The following CORO1C variants were observed in gnomAD, a reference collection of about 807,000 sequenced individuals.
The protein encoded by CORO1C is coronin 1C.
In CORO1C, 14 loss-of-function variants were observed where a neutral mutation model predicts 51.2. The observed-to-expected ratio is 0.27, with a 90% CI of 0.18 to 0.43. The LOEUF is 0.43. CORO1C is among the 20% of genes least tolerant of loss of function. The probability of loss-of-function intolerance (pLI) is 1.00; values close to 1 mark genes in which losing one functional copy is unlikely to be tolerated. For missense variants in CORO1C, 417 were observed against 607.8 expected (o/e 0.69, Z 3.30); for synonymous variants, 181 against 210.5 (o/e 0.86, Z 1.21).
intron 3 of CORO1C, among the ~76,000 whole-genome samples, chr12:108,677,968 G>A (rs1459489315): frequency 5.3e-5 from 8 of 151,038 alleles, no homozygotes; most frequent in African/African-American, 7.3e-5. Flanking sequence ...ACAGTGAGCC[G>A]AGATCATGCC....
rs918557120 is a variant in CORO1C at position 108,647,674 on chromosome 12, G to A, written c.1306-152C>T. 6.7e-6 allele frequency: 4 copies of A among 594,370 alleles called. No homozygotes were observed. In the African/African-American group the frequency reaches 7.6e-5, roughly 11 times the overall value. 36.8% of individuals were successfully genotyped at this position (594,370 alleles called of 1,614,324 possible). On this transcript the variant is annotated intron_variant, in intron 10 of 10. Coordinates refer to ENST00000261401, the MANE Select transcript of CORO1C (RefSeq NM_014325.4). ...AAAAGAGAAGTCAAAGCCCTACTAT[G>A]TCTGGGGCTTTGAATGCAATGAGCA...
At chr12:108,718,714 G>T (rs2035402383) in intron 1 of CORO1C, among the ~76,000 whole-genome samples, 1 of 151,990 alleles carries the variant, frequency 6.6e-6, no homozygotes, top group African/African-American at 2.4e-5. Context: ...ATCCCTTTTG[G>T]TAAAATTAAA....
At chr12:108,667,026 T>C (rs2033508970) in intron 3 of CORO1C, among the ~76,000 whole-genome samples, 1 of 151,368 alleles carries the variant, frequency 6.6e-6, no homozygotes, top group African/African-American at 2.4e-5. Flanking sequence ...ACTGTGCGGA[T>C]ACAATAACTA....
At chr12:108,689,550 G>C (rs2034424596) in intron 2 of CORO1C, among the ~76,000 whole-genome samples, 1 of 152,170 alleles carries the variant, frequency 6.6e-6, no homozygotes, top group African/African-American at 2.4e-5. Context: ...TCAGGCAGCT[G>C]TCTCACTTCC....
intron 7 of CORO1C, among the ~76,000 whole-genome samples, chr12:108,652,852 G>GGCA (rs60459711): frequency 6.6e-6 from 1 of 151,878 alleles, no homozygotes; most frequent in Admixed American, 6.6e-5. Flanking sequence ...TGTTATGCCA[G>GGCA]TATGATGATA....
At chr12:108,713,313 A>C (rs1299861686) in intron 1 of CORO1C, among the ~76,000 whole-genome samples, 2 of 152,210 alleles carry the variant, frequency 1.3e-5, no homozygotes, top group African/African-American at 4.8e-5. Flanking sequence ...TGGCCGACTG[A>C]CTGCAAGTAT....
Position 108,645,207 on chromosome 12 carries a change from T to C in CORO1C, c.*2196A>G, listed in dbSNP as rs1449019952. 6.7e-6 allele frequency: 1 copy of C among 148,586 alleles called. No homozygotes were observed. Among genetic ancestry groups the C allele is most frequent in the Non-Finnish European group, 1.5e-5 (1 of 67,582 alleles). 9.2% of individuals were successfully genotyped at this position (148,586 alleles called of 1,614,324 possible). A position where few individuals can be genotyped will look rare whatever the true frequency, so the allele number is the denominator to read the frequency against. ...GAGCCGACCTAGGAGTAATTCACTG[T>C]CCTCTTCTGGGATGTCATGGCTTAA... On this transcript the variant is annotated 3_prime_UTR_variant, in exon 11 of 11. Transcript: ENST00000261401.
intron 4 of CORO1C, among the ~76,000 whole-genome samples, chr12:108,659,216 C>T (rs1009229177): frequency 1.3e-5 from 2 of 152,162 alleles, no homozygotes; most frequent in Admixed American, 6.5e-5. Flanking sequence ...CAAACAAAAA[C>T]AAAGAACCAC....
chr12:108,660,426 G>A (rs2033207046), intron 4 of CORO1C, among the ~76,000 whole-genome samples: 1 of 127,230 alleles, frequency 7.9e-6, no homozygotes, highest in Non-Finnish European at 1.6e-5. Context: ...ACTCCAGCCT[G>A]AGCAACAAGA....
chr12:108,702,656 G>C, intron 1 of CORO1C: 1 of 814,578 alleles, frequency 1.2e-6, no homozygotes, highest in East Asian at 3.0e-5. Context: ...ATACAGAGGA[G>C]AGCTAACACC....
intron 2 of CORO1C, among the ~76,000 whole-genome samples, chr12:108,682,421 A>C (rs1196257697): frequency 1.3e-5 from 2 of 152,214 alleles, no homozygotes; most frequent in African/African-American, 2.4e-5. Context: ...ACAGACTTTA[A>C]GGTGAAATGC....
intron 3 of CORO1C, among the ~76,000 whole-genome samples, chr12:108,670,723 GA>G (rs1026945766): frequency 2.0e-5 from 3 of 151,572 alleles, no homozygotes; most frequent in African/African-American, 4.8e-5. Context: ...ATTACTGTCA[GA>G]AAAAAAGAAA....
chr12:108,723,326 TTAAC>T (rs1315312525), intron 1 of CORO1C, among the ~76,000 whole-genome samples: 1 of 152,210 alleles, frequency 6.6e-6, no homozygotes, highest in African/African-American at 2.4e-5. Flanking sequence ...ATTAGAATCT[TTAAC>T]TAGGAAAGAA....
chr12:108,727,844 G>A (rs1319689948), intron 1 of CORO1C, among the ~76,000 whole-genome samples: 8 of 152,078 alleles, frequency 5.3e-5, no homozygotes, highest in African/African-American at 1.9e-4. Context: ...AAATCATACA[G>A]CTGATAAGGC....
intron 3 of CORO1C, among the ~76,000 whole-genome samples, chr12:108,672,586 A>G (rs2033758472): frequency 6.6e-6 from 1 of 152,098 alleles, no homozygotes; most frequent in Admixed American, 6.5e-5. Flanking sequence ...TTAATATTAA[A>G]GAGGTTAGGT....
intron 1 of CORO1C, among the ~76,000 whole-genome samples, chr12:108,718,106 T>C (rs953600418): frequency 4.0e-5 from 6 of 151,420 alleles, no homozygotes; most frequent in African/African-American, 1.5e-4. Context: ...GTAATCCCAG[T>C]ACTTTGGGAG....
chr12:108,727,145 C>T (rs2035612921), intron 1 of CORO1C, among the ~76,000 whole-genome samples: 1 of 152,202 alleles, frequency 6.6e-6, no homozygotes, highest in Non-Finnish European at 1.5e-5. Flanking sequence ...TCTCAGTCTG[C>T]CTTCCATGTG....
chr12:108,678,710 C>T (rs2033998798), intron 2 of CORO1C, among the ~76,000 whole-genome samples: 1 of 142,752 alleles, frequency 7.0e-6, no homozygotes, highest in Non-Finnish European at 1.5e-5. Flanking sequence ...AAAGGATGTT[C>T]CATGGCTTAA....
intron 3 of CORO1C, among the ~76,000 whole-genome samples, chr12:108,670,542 GA>G (rs1173674570): frequency 6.6e-6 from 1 of 152,166 alleles, no homozygotes; most frequent in Non-Finnish European, 1.5e-5. Flanking sequence ...GCCAGGCTAG[GA>G]AATATTAGAA....
Sources: gnomAD v4.1 joint callset for allele counts (sites outside exome capture counted in the v4.1 genomes callset) on GRCh38, gnomAD v4.1.1 for gene constraint, MANE v1.5 for transcripts, NCBI Gene and HGNC (gene_info 2026-07-23, HGNC 2026-07-21) for gene names.